SLC35H1: variants seen among roughly 807,000 people sequenced by gnomAD.
SLC35H1 encodes ovarian cancer-overexpressed gene 1 protein.
the SLC35H1 span, chr20:46,349,339 G>A: frequency 2.6e-5 from 4 of 152,310 alleles, no homozygotes; most frequent in African/African-American, 7.2e-5. Flanking sequence ...TAGAGAAGAC[G>A]TGGGACTTGG....
chr20:46,360,204 T>C, the SLC35H1 span, among the ~76,000 whole-genome samples: 4 of 152,226 alleles, frequency 2.6e-5, no homozygotes, highest in African/African-American at 9.6e-5. Flanking sequence ...AGTGTTTCCA[T>C]GGTTCTGCTG....
the SLC35H1 span, chr20:46,352,280 A>T: frequency 6.6e-7 from 1 of 1,509,808 alleles, no homozygotes; most frequent in Non-Finnish European, 9.1e-7. Context: ...TGCCTTGGCC[A>T]GCCCAATGCC....
the SLC35H1 span, chr20:46,358,773 A>G: frequency 1.4e-6 from 2 of 1,465,458 alleles, no homozygotes; most frequent in Non-Finnish European, 1.9e-6. Context: ...GCTGCTGGGG[A>G]AAAAGGGCCG....
At chr20:46,355,000 T>C in the SLC35H1 span, 9 of 1,613,630 alleles carry the variant, frequency 5.6e-6, no homozygotes, top group Non-Finnish European at 7.6e-6. Context: ...TCAGGTCTGG[T>C]CCGGCCCTGC....
chr20:46,358,049 G>A, the SLC35H1 span, among the ~76,000 whole-genome samples: 16 of 152,312 alleles, frequency 1.1e-4, no homozygotes, highest in Middle Eastern at 3.4e-3. Flanking sequence ...CCTTCCTCAC[G>A]GCCTATGCCC....
the SLC35H1 span, chr20:46,350,433 A>ATG: frequency 6.2e-7 from 1 of 1,611,876 alleles, no homozygotes; most frequent in African/African-American, 1.3e-5. Context: ...CCTCCTCCTC[A>ATG]TTGTCACCTT....
chr20:46,358,048 C>T, the SLC35H1 span, among the ~76,000 whole-genome samples: 9 of 152,356 alleles, frequency 5.9e-5, no homozygotes, highest in Admixed American at 3.3e-4. Flanking sequence ...GCCTTCCTCA[C>T]GGCCTATGCC....
chr20:46,349,417 G>A, the SLC35H1 span: 2 of 152,240 alleles, frequency 1.3e-5, no homozygotes, highest in African/African-American at 4.8e-5. Flanking sequence ...TGGATGTCAC[G>A]TGCAGCACGT....
At chr20:46,359,497 G>A in the SLC35H1 span, among the ~76,000 whole-genome samples, 2 of 152,172 alleles carry the variant, frequency 1.3e-5, no homozygotes, top group Admixed American at 1.3e-4. Flanking sequence ...ATTTTCAGGG[G>A]ACTGGTCTGG....
At chr20:46,359,830 C>G in the SLC35H1 span, among the ~76,000 whole-genome samples, 1 of 152,192 alleles carries the variant, frequency 6.6e-6, no homozygotes, top group East Asian at 1.9e-4. Flanking sequence ...TCGAAGCCTT[C>G]CTAGGCTTCA....
the SLC35H1 span, chr20:46,352,536 A>ATGATGGGGATCCTAGCAGGG: frequency 3.4e-6 from 1 of 297,412 alleles, no homozygotes; most frequent in South Asian, 4.8e-5. Flanking sequence ...TCCTAGCAGG[A>ATGATGGGGATCCTAGCAGGG]TGATGGGATC....
At chr20:46,348,573 C>T in the SLC35H1 span, 1 of 152,288 alleles carries the variant, frequency 6.6e-6, no homozygotes, top group Admixed American at 6.5e-5. Context: ...TAAGAGGCCG[C>T]TTCCAAGCGC....
chr20:46,357,771 G>T, the SLC35H1 span: 4 of 1,614,038 alleles, frequency 2.5e-6, no homozygotes, highest in African/African-American at 5.3e-5. Context: ...GGAAATGGAA[G>T]CTCTGTATGG....
At chr20:46,346,367 A>G in the SLC35H1 span, 2 of 152,278 alleles carry the variant, frequency 1.3e-5, no homozygotes, top group South Asian at 2.1e-4. Flanking sequence ...GGGAGACCGG[A>G]GGCTGGCAGG....
chr20:46,356,677 C>T, the SLC35H1 span: 1 of 1,594,302 alleles, frequency 6.3e-7, no homozygotes, highest in Non-Finnish European at 8.6e-7. Flanking sequence ...CTTGGGAGGT[C>T]CACACTCTGC....
the SLC35H1 span, chr20:46,350,507 C>T: frequency 6.2e-7 from 1 of 1,603,024 alleles, no homozygotes; most frequent in African/African-American, 1.3e-5. Flanking sequence ...CCCTTCAAGG[C>T]CTTGGGGCCA....
the SLC35H1 span, among the ~76,000 whole-genome samples, chr20:46,362,616 C>G: frequency 6.6e-6 from 1 of 152,162 alleles, no homozygotes; most frequent in African/African-American, 2.4e-5. Flanking sequence ...GAGGCTTACT[C>G]CCCTCCTGGT....
At chr20:46,350,538 G>C in the SLC35H1 span, 1 of 1,577,982 alleles carries the variant, frequency 6.3e-7, no homozygotes, top group Non-Finnish European at 8.6e-7. Context: ...GGGATAGAGA[G>C]AGACCACAGT....
chr20:46,356,626 C>T, the SLC35H1 span: 7 of 1,613,986 alleles, frequency 4.3e-6, no homozygotes, highest in Non-Finnish European at 5.9e-6. Context: ...ACGTCAAGCG[C>T]CGTCGCCAGA....
Sources: gnomAD v4.1 joint callset for allele counts (sites outside exome capture counted in the v4.1 genomes callset) on GRCh38, gnomAD v4.1.1 for gene constraint, MANE v1.5 for transcripts, NCBI Gene and HGNC (gene_info 2026-07-23, HGNC 2026-07-21) for gene names.